The following IL22RA2 variants were observed in gnomAD, a reference collection of about 807,000 sequenced individuals.
The protein encoded by IL22RA2 is interleukin-22 receptor subunit alpha-2.
A neutral mutation model predicts 30.7 loss-of-function variants in IL22RA2; 39 were observed. That is an observed-to-expected ratio of 1.27 (90% CI 0.98 to 1.66). IL22RA2 has a LOEUF of 1.66. IL22RA2 is among the 40% of genes most tolerant of loss of function. IL22RA2 has a pLI of 0.00. For synonymous variants in IL22RA2, 103 were observed against 105.0 expected, an observed-to-expected ratio of 0.98 and a Z score of 0.11; for missense variants, 315 against 312.7, an observed-to-expected ratio of 1.01 and a Z score of -0.05.
At chr6:137,148,855 G>A (rs916021217) in intron 5 of IL22RA2, among the ~76,000 whole-genome samples, 3 of 152,092 alleles carry the variant, frequency 2.0e-5, no homozygotes, top group Non-Finnish European at 2.9e-5. Flanking sequence ...AGTCAGCTGC[G>A]GACATCACAG....
At chr6:137,167,686 T>C (rs1778650711) in intron 1 of IL22RA2, among the ~76,000 whole-genome samples, 1 of 152,146 alleles carries the variant, frequency 6.6e-6, no homozygotes, top group Non-Finnish European at 1.5e-5. Flanking sequence ...CATAGCCGGC[T>C]GAAACCAGAA....
At chr6:137,171,204 A>T (rs748103200) in intron 1 of IL22RA2, among the ~76,000 whole-genome samples, 1 of 152,218 alleles carries the variant, frequency 6.6e-6, no homozygotes, top group Non-Finnish European at 1.5e-5. Flanking sequence ...AGCAGCAAGG[A>T]TGCAGCAGCA....
intron 4 of IL22RA2, among the ~76,000 whole-genome samples, chr6:137,156,531 T>C (rs192970538): frequency 6.6e-6 from 1 of 152,248 alleles, no homozygotes; most frequent in South Asian, 2.1e-4. Flanking sequence ...TCTCATTGTT[T>C]ATCCTATTCT....
At chr6:137,146,964 C>A (rs1582875886) in intron 6 of IL22RA2, among the ~76,000 whole-genome samples, 1 of 151,906 alleles carries the variant, frequency 6.6e-6, no homozygotes, top group African/African-American at 2.4e-5. Context: ...CTGCTGCACC[C>A]CAGCCTGGGT....
intron 5 of IL22RA2, among the ~76,000 whole-genome samples, chr6:137,154,645 A>AC (rs1554222456): frequency 2.0e-5 from 3 of 151,908 alleles, no homozygotes; most frequent in South Asian, 2.1e-4. Context: ...ACACACACAC[A>AC]AGGTGACAAA....
At chr6:137,170,879 G>T (rs1324504958) in intron 1 of IL22RA2, among the ~76,000 whole-genome samples, 2 of 152,140 alleles carry the variant, frequency 1.3e-5, no homozygotes, top group African/African-American at 2.4e-5. Flanking sequence ...CGATAAACTA[G>T]AAATCTTAGA....
At position 137,158,394 on chromosome 6, in the gene IL22RA2, C is replaced by A; in HGVS notation, c.150G>T (p.Gly50=). 1 of 1,614,184 alleles carries A rather than the reference C, an allele frequency of 6.2e-7. No homozygotes were observed. The change falls in exon 3 of 7, where the codon GGG becomes GGT. Residue 50 remains glycine, a synonymous_variant. Coordinates refer to ENST00000296980, the MANE Select transcript of IL22RA2 (RefSeq NM_052962.3). Reference sequence around the variant, plus strand: ...CACTGCTGTTGCCAGTAAGTGCCCTCCCAGGCTGCCATTGCAAAATGTTGT... The same window carrying A: ...CACTGCTGTTGCCAGTAAGTGCCCTACCAGGCTGCCATTGCAAAATGTTGT... ...NFHNILQWQP[G]RALTGNSSVY... is the part of the protein sequence containing the mutation.
In IL22RA2 at chr6:137,145,781, C is replaced by A; in HGVS notation, c.643-8G>T. 1 of 1,613,276 alleles carries A rather than the reference C, an allele frequency of 6.2e-7. No individual in the cohort carries two copies. The highest frequency in any genetic ancestry group is 2.2e-5 in the East Asian group (1 of 44,864). On this transcript the variant is annotated splice_region_variant and splice_polypyrimidine_tract_variant and intron_variant, in intron 6 of 6. Transcript: ENST00000296980. ...TTCATAAACCTTTTGCTCCTACACA[C>A]GAGAGAGAAAATAATCAGTTGGTAA...
At chr6:137,165,575 A>G (rs1778611207) in intron 1 of IL22RA2, among the ~76,000 whole-genome samples, 1 of 152,164 alleles carries the variant, frequency 6.6e-6, no homozygotes, top group Non-Finnish European at 1.5e-5. Flanking sequence ...GATAGAGGAC[A>G]AACTAGGTAA....
chr6:137,170,102 C>G (rs1778700738), intron 1 of IL22RA2, among the ~76,000 whole-genome samples: 2 of 152,162 alleles, frequency 1.3e-5, no homozygotes, highest in Admixed American at 6.5e-5. Flanking sequence ...ACCATAGACT[C>G]AATGGTAGAC....
chr6:137,162,794 C>T (rs1445597023), intron 1 of IL22RA2, among the ~76,000 whole-genome samples: 1 of 152,118 alleles, frequency 6.6e-6, no homozygotes, highest in East Asian at 1.9e-4. Flanking sequence ...AGAAACATTT[C>T]GTAGGGACTT....
At chr6:137,167,120 G>A (rs1173891548) in intron 1 of IL22RA2, among the ~76,000 whole-genome samples, 1 of 152,222 alleles carries the variant, frequency 6.6e-6, no homozygotes, top group African/African-American at 2.4e-5. Context: ...TCTAACTTTA[G>A]GATCAGACAA....
chr6:137,164,030 T>C (rs1778579386), intron 1 of IL22RA2, among the ~76,000 whole-genome samples: 1 of 151,952 alleles, frequency 6.6e-6, no homozygotes, highest in African/African-American at 2.4e-5. Flanking sequence ...CCGAACCTCC[T>C]GTAATAGGAC....
At chr6:137,165,786 A>T (rs1345865520) in intron 1 of IL22RA2, among the ~76,000 whole-genome samples, 1 of 152,220 alleles carries the variant, frequency 6.6e-6, no homozygotes, top group Non-Finnish European at 1.5e-5. Flanking sequence ...AGGTCAAAGA[A>T]AAGCCATGAT....
chr6:137,167,367 CTATAAGA>C, intron 1 of IL22RA2, among the ~76,000 whole-genome samples: 1 of 152,270 alleles, frequency 6.6e-6, no homozygotes, highest in Middle Eastern at 3.4e-3. Flanking sequence ...GGTATTCACC[CTATAAGA>C]TAGTGTTTGG....
chr6:137,156,563 A>G (rs1298503455), intron 4 of IL22RA2, among the ~76,000 whole-genome samples, 196 bp downstream of exon 4: 1 of 152,270 alleles, frequency 6.6e-6, no homozygotes, highest in Non-Finnish European at 1.5e-5. Context: ...ATATAACAGT[A>G]TTATAGCCCA....
intron 1 of IL22RA2, among the ~76,000 whole-genome samples, chr6:137,171,345 T>C (rs1778730729): frequency 6.6e-6 from 1 of 152,162 alleles, no homozygotes. Context: ...CCTTCTTAAA[T>C]GGGAGATGAA....
chr6:137,147,373 T>TAATAAATAAATA (rs10680789), intron 6 of IL22RA2, among the ~76,000 whole-genome samples: 35 of 145,890 alleles, frequency 2.4e-4, no homozygotes, highest in East Asian at 1.2e-3. Flanking sequence ...ATAAAATACA[T>TAATAAATAAATA]AATAAATAAA....
chr6:137,166,224 G>A lies in IL22RA2; in HGVS notation c.-65-4410C>T, dbSNP rs117805833. Among the ~76,000 whole-genome samples the A allele has an allele frequency of 3.5e-3, 534 of 152,330 alleles. 11 individuals are homozygous for A. The highest frequency in any genetic ancestry group is 0.034 in the East Asian group (175 of 5,190). ...CAGCAGCTGAAACCTGCCCTCTGCC[G>A]GCCGGAACTTTAGCCCAAAGAGCTG... On this transcript the variant is annotated intron_variant, in intron 1 of 6. Transcript: ENST00000296980.
Sources: allele counts gnomAD v4.1 joint callset (sites outside exome capture counted in the v4.1 genomes callset), GRCh38; gene constraint gnomAD v4.1.1; transcripts MANE v1.5; gene names NCBI Gene and HGNC (gene_info 2026-07-23, HGNC 2026-07-21).